The following SIPA1L2 variants were observed in gnomAD, a reference collection of about 807,000 sequenced individuals.
SIPA1L2 encodes signal-induced proliferation-associated 1-like protein 2.
In SIPA1L2, 56 loss-of-function variants were observed where a neutral mutation model predicts 163.9. That is an observed-to-expected ratio of 0.34 (90% CI 0.28 to 0.43). The LOEUF (loss-of-function observed/expected upper bound fraction) is 0.43, where lower values mean the gene tolerates loss of function less well. SIPA1L2 is among the 20% of genes least tolerant of loss of function. The probability of loss-of-function intolerance (pLI) is 1.00; values close to 1 mark genes in which losing one functional copy is unlikely to be tolerated. For synonymous variants in SIPA1L2, 877 were observed against 865.7 expected (o/e 1.01, Z -0.23); for missense variants, 1,974 against 2,193.5 (o/e 0.90, Z 2.00).
At chr1:232,518,142 T>C (rs1667295889) in intron 2 of SIPA1L2, among the ~76,000 whole-genome samples, 1 of 152,214 alleles carries the variant, frequency 6.6e-6, no homozygotes. Flanking sequence ...GGATGAAAAC[T>C]ATAGCAAACT....
intron 3 of SIPA1L2, among the ~76,000 whole-genome samples, chr1:232,504,900 G>A (rs749286340): frequency 1.2e-4 from 18 of 152,196 alleles, no homozygotes; most frequent in South Asian, 2.1e-4. Flanking sequence ...CAGACAGTCC[G>A]GCTCTAGTGT....
rs150537377 is a variant in SIPA1L2 at position 232,438,497 on chromosome 1, C to T, written c.4031+611G>A. Among the ~76,000 whole-genome samples the T allele has an allele frequency of 5.3e-5, 8 of 152,366 alleles. No homozygotes were observed. The East Asian group carries it at 1.5e-3, about 29-fold the overall frequency. On this transcript the variant is annotated intron_variant, in intron 15 of 22. Coordinates refer to ENST00000674635, the MANE Select transcript of SIPA1L2 (RefSeq NM_020808.5). ...AACCACTGCAGAGAAGTATGTCAAA[C>T]AGGAGTTTAAAACCACTCATAAGGA...
At chr1:232,524,521 C>T (rs1346036732) in intron 2 of SIPA1L2, among the ~76,000 whole-genome samples, 1 of 151,848 alleles carries the variant, frequency 6.6e-6, no homozygotes, top group African/African-American at 2.4e-5. Context: ...AAAATCTACC[C>T]AAGAAAATAA....
At chr1:232,537,956 T>C (rs1401658041) in intron 2 of SIPA1L2, among the ~76,000 whole-genome samples, 1 of 152,244 alleles carries the variant, frequency 6.6e-6, no homozygotes, top group Non-Finnish European at 1.5e-5. Flanking sequence ...ACAGACTTCC[T>C]AAATGACAAA....
intron 2 of SIPA1L2, among the ~76,000 whole-genome samples, chr1:232,572,438 C>T (rs996284881): frequency 1.3e-5 from 2 of 152,038 alleles, no homozygotes; most frequent in Non-Finnish European, 2.9e-5. Context: ...AGCACTTCAG[C>T]CAAGTCTCTT....
intron 12 of SIPA1L2, among the ~76,000 whole-genome samples, chr1:232,442,524 G>A (rs1662964253): frequency 6.7e-6 from 1 of 148,150 alleles, no homozygotes; most frequent in African/African-American, 2.5e-5. Flanking sequence ...CTCCAGCCTG[G>A]GCGACAGACC....
intron 5 of SIPA1L2, among the ~76,000 whole-genome samples, chr1:232,488,837 G>T (rs2102989976): frequency 6.6e-6 from 1 of 152,224 alleles, no homozygotes; most frequent in Admixed American, 6.5e-5. Context: ...GACAATAGGG[G>T]GCCATCAAAA....
At chr1:232,448,855 C>T (rs1444566016) in intron 10 of SIPA1L2, among the ~76,000 whole-genome samples, 1 of 152,144 alleles carries the variant, frequency 6.6e-6, no homozygotes, top group Non-Finnish European at 1.5e-5. Context: ...TAACCTATCC[C>T]CTACCACTGC....
At chr1:232,564,259 T>TTC (rs1659263526) in intron 2 of SIPA1L2, among the ~76,000 whole-genome samples, 1 of 118,526 alleles carries the variant, frequency 8.4e-6, no homozygotes, top group Non-Finnish European at 1.6e-5. Flanking sequence ...TGTGTGTGTG[T>TTC]GTGTGTGTGT....
intron 10 of SIPA1L2, among the ~76,000 whole-genome samples, chr1:232,453,791 G>A (rs1663727960): frequency 6.7e-6 from 1 of 148,396 alleles, no homozygotes; most frequent in Non-Finnish European, 1.5e-5. Context: ...AGTTACTGCA[G>A]CCTACACTAT....
chr1:232,443,749 C>G, intron 11 of SIPA1L2, 64 bp from the exon 12 acceptor site: 1 of 1,298,352 alleles, frequency 7.7e-7, no homozygotes, highest in Non-Finnish European at 1.1e-6. Flanking sequence ...TTGACCTGGC[C>G]TGTTTTGTTT....
intron 1 of SIPA1L2, among the ~76,000 whole-genome samples, chr1:232,598,285 G>C (rs1475124471): frequency 6.6e-6 from 1 of 151,760 alleles, no homozygotes; most frequent in African/African-American, 2.4e-5. Context: ...CGCACCTGTA[G>C]TCCCTGCTAC....
chr1:232,542,411 C>G (rs1657741935), intron 2 of SIPA1L2, among the ~76,000 whole-genome samples: 1 of 152,166 alleles, frequency 6.6e-6, no homozygotes, highest in South Asian at 2.1e-4. Context: ...GCAAAGTGCA[C>G]TCTCATAGAC....
rs527541110 is a variant in SIPA1L2, at chr1:232,487,795, C to T, written c.1806+3079G>A. Among the ~76,000 whole-genome samples the T allele has an allele frequency of 5.9e-5, 9 of 152,138 alleles. No homozygotes were observed. The South Asian group carries it at 1.9e-3, about 32-fold the overall frequency. On this transcript the variant is annotated intron_variant, in intron 5 of 22. Coordinates refer to ENST00000674635, the MANE Select transcript of SIPA1L2 (RefSeq NM_020808.5). ...GGAACAGAAGGAATGATCTAAACACCCACAGTATCTCCTACTTCTGAAAAG... is the reference window on the plus strand; with the variant it reads ...GGAACAGAAGGAATGATCTAAACACTCACAGTATCTCCTACTTCTGAAAAG...
chr1:232,612,624 T>A (rs973868595), intron 1 of SIPA1L2, among the ~76,000 whole-genome samples: 1 of 152,212 alleles, frequency 6.6e-6, no homozygotes. Context: ...GGTCAGTTTC[T>A]CCCATTTGGA....
Position 232,402,533 on chromosome 1 carries a change from T to A in SIPA1L2, c.4941-60A>T, listed in dbSNP as rs1272604907. On this transcript the variant is annotated intron_variant, in intron 21 of 22. Transcript: ENST00000674635. The stretch of plus-strand genomic sequence containing the variant: ...AGAGTCAATCGAGCATTTTTGTTGG[T>A]CAAGTTTTCACTCGAAAAAATTATT... 3.4e-6 allele frequency: 5 copies of A among 1,478,782 alleles called. No homozygotes were observed. In the East Asian group the frequency reaches 9.3e-5, roughly 27 times the overall value. 91.6% of individuals were successfully genotyped at this position (1,478,782 alleles called of 1,614,324 possible). A position where few individuals can be genotyped will look rare whatever the true frequency, so the allele number is the denominator to read the frequency against.
rs539504930 is a variant in SIPA1L2, at chr1:232,621,061, T to C, written c.-319+8808A>G. 1.2e-3 allele frequency among the ~76,000 whole-genome samples: 176 copies of C among 152,374 alleles called. 1 individual carries two copies. Among genetic ancestry groups the C allele is most frequent in the African/African-American group, 4.1e-3 (169 of 41,590 alleles). On this transcript the variant is annotated intron_variant, in intron 1 of 22. Coordinates refer to ENST00000674635, the MANE Select transcript of SIPA1L2 (RefSeq NM_020808.5). The stretch of plus-strand genomic sequence containing the variant: ...CAAAACAAAAATTGTTTTCCTCTTA[T>C]ATTTCTTTTAATCTTGGCAAAGACT...
At chr1:232,478,530 A>T (rs1230092093) in intron 7 of SIPA1L2, among the ~76,000 whole-genome samples, 1 of 152,182 alleles carries the variant, frequency 6.6e-6, no homozygotes. Context: ...CTTTTTTAAA[A>T]AGGAAAAATT....
intron 19 of SIPA1L2, among the ~76,000 whole-genome samples, chr1:232,415,251 C>A (rs977270497): frequency 1.3e-5 from 2 of 152,228 alleles, no homozygotes; most frequent in Non-Finnish European, 2.9e-5. Context: ...GGTGCCAGAG[C>A]TAGAATTCGG....
Sources: gnomAD v4.1 joint callset for allele counts (sites outside exome capture counted in the v4.1 genomes callset) on GRCh38, gnomAD v4.1.1 for gene constraint, MANE v1.5 for transcripts, NCBI Gene and HGNC (gene_info 2026-07-23, HGNC 2026-07-21) for gene names.